CDH18: variants seen among roughly 807,000 people sequenced by gnomAD.
CDH18 encodes cadherin 18.
Under a neutral mutation model 67.9 loss-of-function variants are expected in CDH18, and 31 were observed. The ratio of observed to expected loss-of-function variants is 0.46; its 90% confidence interval spans 0.34 to 0.62. The LOEUF (loss-of-function observed/expected upper bound fraction) is 0.62, where lower values mean the gene tolerates loss of function less well. Ranked by LOEUF, CDH18 falls within the 20% of genes least tolerant of loss-of-function variation. The pLI is 0.01. For synonymous variants in CDH18, 362 were observed against 347.2 expected, an observed-to-expected ratio of 1.04 and a Z score of -0.48; for missense variants, 890 against 975.5, an observed-to-expected ratio of 0.91 and a Z score of 1.17.
intron 2 of CDH18, among the ~76,000 whole-genome samples, chr5:20,231,316 C>T (rs1184390712): frequency 6.6e-6 from 1 of 152,070 alleles, no homozygotes; most frequent in African/African-American, 2.4e-5. Context: ...TTAGAAATTA[C>T]TGGATAATAT....
At chr5:19,631,568 T>C (rs1199783568) in intron 5 of CDH18, among the ~76,000 whole-genome samples, 1 of 151,164 alleles carries the variant, frequency 6.6e-6, no homozygotes, top group Non-Finnish European at 1.5e-5. Flanking sequence ...CTTTACTATA[T>C]TCCACAAAAA....
intron 5 of CDH18, among the ~76,000 whole-genome samples, chr5:19,710,111 G>C (rs766828102): frequency 1.5e-4 from 23 of 152,196 alleles, no homozygotes; most frequent in East Asian, 1.9e-4. Flanking sequence ...CTCCAGCCTG[G>C]GTGACAGAGT....
At chr5:20,493,103 C>T (rs1200828232) in intron 1 of CDH18, among the ~76,000 whole-genome samples, 5 of 151,954 alleles carry the variant, frequency 3.3e-5, no homozygotes, top group African/African-American at 9.7e-5. Context: ...AATCCCAGCA[C>T]TCTAGGAGGC....
chr5:20,480,876 G>A (rs1447360605), intron 1 of CDH18, among the ~76,000 whole-genome samples: 2 of 152,038 alleles, frequency 1.3e-5, no homozygotes, highest in African/African-American at 4.8e-5. Context: ...AAAATAAAAA[G>A]TGAGAAATTG....
chr5:19,888,206 G>A (rs919827617), intron 2 of CDH18, among the ~76,000 whole-genome samples: 4 of 151,856 alleles, frequency 2.6e-5, no homozygotes, highest in Admixed American at 6.6e-5. Flanking sequence ...GCATTTTCAC[G>A]TACATCTTAC....
chr5:19,522,141 T>C (rs1240105558), intron 9 of CDH18, among the ~76,000 whole-genome samples: 1 of 152,070 alleles, frequency 6.6e-6, no homozygotes, highest in East Asian at 1.9e-4. Flanking sequence ...ATAAAAGTTA[T>C]TCACAAGTTA....
intron 2 of CDH18, among the ~76,000 whole-genome samples, chr5:20,030,880 G>A (rs891765266): frequency 3.3e-5 from 5 of 152,104 alleles, no homozygotes; most frequent in Non-Finnish European, 7.4e-5. Context: ...GAAATGATGA[G>A]GCTGAACTAA....
intron 2 of CDH18, among the ~76,000 whole-genome samples, chr5:20,189,746 T>C (rs541784385): frequency 7.2e-5 from 11 of 152,242 alleles, no homozygotes; most frequent in Admixed American, 2.0e-4. Context: ...ACCAACCATG[T>C]CCGGTGTTGA....
intron 2 of CDH18, among the ~76,000 whole-genome samples, chr5:20,220,341 A>AT (rs1741127482): frequency 6.6e-6 from 1 of 152,020 alleles, no homozygotes; most frequent in Non-Finnish European, 1.5e-5. Flanking sequence ...CAATAAACTT[A>AT]TTTTTGACAA....
Position 19,785,654 on chromosome 5 carries a change from C to CAAAAAA in CDH18, c.229-38424_229-38419dup, listed in dbSNP as rs35498841. Among the ~76,000 whole-genome samples the CAAAAAA allele has an allele frequency of 1.5e-3, 6 of 3,904 alleles. 1 individual carries two copies. Among genetic ancestry groups the CAAAAAA allele is most frequent in the African/African-American group, 1.1e-3 (2 of 1,752 alleles). 2.6% of individuals were successfully genotyped at this position (3,904 alleles called of 152,430 possible). A position where few individuals can be genotyped will look rare whatever the true frequency, so the allele number is the denominator to read the frequency against. On this transcript the variant is annotated intron_variant, in intron 3 of 12. Coordinates refer to ENST00000382275, the MANE Select transcript of CDH18 (RefSeq NM_004934.5). ...CGGCAACAAGAGCAAAACTCTGTCT[C>CAAAAAA]AAAAAAAAAAAAAAAAAAAAAAAAA...
At chr5:19,918,404 T>A (rs1792062140) in intron 2 of CDH18, among the ~76,000 whole-genome samples, 1 of 152,160 alleles carries the variant, frequency 6.6e-6, no homozygotes, top group Non-Finnish European at 1.5e-5. Context: ...TCAAAACTTA[T>A]CATACATAGA....
intron 2 of CDH18, among the ~76,000 whole-genome samples, chr5:20,227,106 T>C (rs896957096): frequency 1.3e-5 from 2 of 152,118 alleles, no homozygotes; most frequent in African/African-American, 4.8e-5. Flanking sequence ...AACCCTACCA[T>C]TGCCAGTAAC....
At position 19,809,522 on chromosome 5, in the gene CDH18, G is replaced by A. The variant is rs574377645; in HGVS notation, c.228+29237C>T. Among the ~76,000 whole-genome samples the A allele has an allele frequency of 5.4e-3, 581 of 107,138 alleles. 6 individuals carry two copies. The highest frequency in any genetic ancestry group is 0.017 in the African/African-American group (556 of 31,786). 70.3% of individuals were successfully genotyped at this position (107,138 alleles called of 152,430 possible). A position where few individuals can be genotyped will look rare whatever the true frequency, so the allele number is the denominator to read the frequency against. On this transcript the variant is annotated intron_variant, in intron 3 of 12. Transcript: ENST00000382275. ...GTGCACATGTACCCTAAAACTTAAA[G>A]TATAATAAAAAAAAATTAGACTATA...
chr5:20,224,480 C>T (rs1344594671), intron 2 of CDH18, among the ~76,000 whole-genome samples: 2 of 149,492 alleles, frequency 1.3e-5, no homozygotes, highest in Non-Finnish European at 1.5e-5. Context: ...GAGTGTGCAC[C>T]AATGAGACAG....
intron 1 of CDH18, among the ~76,000 whole-genome samples, chr5:20,465,861 A>G (rs1004960269): frequency 2.6e-5 from 4 of 152,088 alleles, no homozygotes; most frequent in Non-Finnish European, 5.9e-5. Context: ...AATAAAATGC[A>G]GAGTACAATG....
intron 4 of CDH18, among the ~76,000 whole-genome samples, chr5:19,736,440 G>C (rs756547383): frequency 6.6e-6 from 1 of 151,804 alleles, no homozygotes; most frequent in Non-Finnish European, 1.5e-5. Flanking sequence ...GAATCACTAC[G>C]GAATAATATT....
At chr5:19,486,691 G>A (rs1027056503) in intron 11 of CDH18, among the ~76,000 whole-genome samples, 1 of 152,070 alleles carries the variant, frequency 6.6e-6, no homozygotes, top group African/African-American at 2.4e-5. Context: ...TACTTGGGAG[G>A]CTGAGGCAGG....
At chr5:19,874,871 T>A (rs114743949) in intron 2 of CDH18, among the ~76,000 whole-genome samples, 475 of 152,208 alleles carry the variant, frequency 3.1e-3, no homozygotes, top group African/African-American at 0.011. Flanking sequence ...TTTAGAAAAA[T>A]GCTCAGGATG....
intron 2 of CDH18, among the ~76,000 whole-genome samples, chr5:19,859,854 C>T (rs1581679998): frequency 6.6e-6 from 1 of 152,220 alleles, no homozygotes; most frequent in East Asian, 1.9e-4. Context: ...GTGTCTTGGG[C>T]CATTGGTCAT....
Sources: allele counts gnomAD v4.1 joint callset (sites outside exome capture counted in the v4.1 genomes callset), GRCh38; gene constraint gnomAD v4.1.1; transcripts MANE v1.5; gene names NCBI Gene and HGNC (gene_info 2026-07-23, HGNC 2026-07-21).